The following LRP6 variants were observed in gnomAD, a reference collection of about 807,000 sequenced individuals.
The protein encoded by LRP6 is low-density lipoprotein receptor-related protein 6.
In LRP6, 43 loss-of-function variants were observed where a neutral mutation model predicts 184.1. That is an observed-to-expected ratio of 0.23 (90% CI 0.18 to 0.30). LRP6 has a LOEUF of 0.30. LRP6 is among the 10% of genes least tolerant of loss of function. The pLI is 1.00. For missense variants in LRP6, 1,571 were observed against 2,005.3 expected (o/e 0.78, Z 4.14); for synonymous variants, 719 against 684.9 (o/e 1.05, Z -0.78).
At chr12:12,198,884 T>C (rs1003634685) in intron 3 of LRP6, among the ~76,000 whole-genome samples, 1 of 152,202 alleles carries the variant, frequency 6.6e-6, no homozygotes, top group East Asian at 1.9e-4. Context: ...TCAATGACTT[T>C]TGACTCATTT....
chr12:12,198,079 C>A (rs1479729479), intron 3 of LRP6, among the ~76,000 whole-genome samples: 1 of 152,248 alleles, frequency 6.6e-6, no homozygotes, highest in South Asian at 2.1e-4. Context: ...CCACCATGCT[C>A]GGCTAATTTT....
chr12:12,228,117 TCCCA>T (rs1310857817), intron 2 of LRP6, among the ~76,000 whole-genome samples: 1 of 152,172 alleles, frequency 6.6e-6, no homozygotes, highest in East Asian at 1.9e-4. Context: ...ACACCTGTAA[TCCCA>T]GCCATTTGGG....
chr12:12,260,785 G>T (rs1245680664), intron 1 of LRP6, among the ~76,000 whole-genome samples: 2 of 152,078 alleles, frequency 1.3e-5, no homozygotes, highest in Admixed American at 6.6e-5. Flanking sequence ...AGTTTAACTT[G>T]GCCTGTTTAA....
chr12:12,226,766 T>G (rs536352130), intron 2 of LRP6: 27 of 152,302 alleles, frequency 1.8e-4, no homozygotes, highest in Non-Finnish European at 3.1e-4. Context: ...TCGTGAAGCG[T>G]TAGTATTTTT....
chr12:12,213,575 C>T (rs1428871501), intron 2 of LRP6, among the ~76,000 whole-genome samples: 1 of 151,826 alleles, frequency 6.6e-6, no homozygotes, highest in African/African-American at 2.4e-5. Context: ...TTAAAAAGCC[C>T]TTCTCTCTTC....
At chr12:12,188,564 C>G (rs564211075) in intron 3 of LRP6, among the ~76,000 whole-genome samples, 2 of 152,314 alleles carry the variant, frequency 1.3e-5, no homozygotes, top group African/African-American at 4.8e-5. Context: ...TACGTGTAAG[C>G]AGGATTACCG....
chr12:12,160,172 T>G (rs1160268802), intron 10 of LRP6, among the ~76,000 whole-genome samples: 1 of 152,122 alleles, frequency 6.6e-6, no homozygotes, highest in Non-Finnish European at 1.5e-5. Context: ...AGGAAGTGAG[T>G]CAGCTTTCCT....
chr12:12,221,399 G>C (rs1284566416), intron 2 of LRP6, among the ~76,000 whole-genome samples: 1 of 152,022 alleles, frequency 6.6e-6, no homozygotes, highest in Non-Finnish European at 1.5e-5. Flanking sequence ...TGTTGCTTTA[G>C]CATGTTTAAG....
intron 12 of LRP6, chr12:12,155,854 T>C (rs1191331124): frequency 1.1e-5 from 7 of 646,418 alleles, no homozygotes; most frequent in South Asian, 3.5e-5. Context: ...CACAAAGCTG[T>C]TGGGTAAAAC....
In LRP6 at chr12:12,164,474, G is replaced by A. The variant is rs762516327; in HGVS notation, c.1851C>T (p.Gly617=). 27 of 1,614,186 alleles carry A rather than the reference G, an allele frequency of 1.7e-5. No individual in the cohort carries two copies. The highest frequency in any genetic ancestry group is 2.2e-5 in the Non-Finnish European group (26 of 1,180,024). ...PQGLRCACPI[G]FELISDMKTC... Reference sequence around the variant, plus strand: ...TCTTCATGTCACTGATGAGTTCAAAGCCAATAGGGCAAGCACAGCGAAGGC... The same window carrying A: ...TCTTCATGTCACTGATGAGTTCAAAACCAATAGGGCAAGCACAGCGAAGGC... Residue 617 remains glycine, a synonymous_variant, in exon 9 of 23, where the codon GGC becomes GGT. Coordinates refer to ENST00000261349, the MANE Select transcript of LRP6 (RefSeq NM_002336.3).
At chr12:12,164,023 G>A (rs1178847935) in intron 9 of LRP6, among the ~76,000 whole-genome samples, 2 of 151,966 alleles carry the variant, frequency 1.3e-5, no homozygotes, top group South Asian at 2.1e-4. Context: ...CTAGCTGCTC[G>A]GGAGGCTGAA....
chr12:12,129,166 C>T (rs963982822), intron 19 of LRP6, among the ~76,000 whole-genome samples: 1 of 152,180 alleles, frequency 6.6e-6, no homozygotes, highest in African/African-American at 2.4e-5. Flanking sequence ...CCTCTTGATG[C>T]GATCAGAAGT....
chr12:12,128,814 A>C (rs1471367897), intron 19 of LRP6, among the ~76,000 whole-genome samples: 1 of 152,166 alleles, frequency 6.6e-6, no homozygotes, highest in Non-Finnish European at 1.5e-5. Context: ...TCACTCAGTG[A>C]GGTACCTGTG....
At position 12,159,201 on chromosome 12, in the gene LRP6, A is replaced by G. The variant is rs374116210; in HGVS notation, c.2465-46T>C. 2.1e-6 allele frequency: 3 copies of G among 1,397,966 alleles called. No individual in the cohort carries two copies. The African/African-American group carries it at 4.2e-5, about 20-fold the overall frequency. The allele number at this position is 1,397,966 out of a possible 1,614,324, so 86.6% of individuals were successfully genotyped here. A position where few individuals can be genotyped will look rare whatever the true frequency, so the allele number is the denominator to read the frequency against. On this transcript the variant is annotated intron_variant, in intron 11 of 22. Coordinates refer to ENST00000261349, the MANE Select transcript of LRP6 (RefSeq NM_002336.3). ...GACAGGGGAGAAGCAGAGTGATGAAATATGTGAGAATACAAGTGTCTTGCT... is the reference window on the plus strand; with the variant it reads ...GACAGGGGAGAAGCAGAGTGATGAAGTATGTGAGAATACAAGTGTCTTGCT...
At position 12,203,191 on chromosome 12, in the gene LRP6, T is replaced by G. The variant is rs374302767; in HGVS notation, c.647+12A>C. The G allele has an allele frequency of 1.3e-6, 2 of 1,587,624 alleles. No individual in the cohort carries two copies. The highest frequency in any genetic ancestry group is 8.6e-7 in the Non-Finnish European group (1 of 1,168,428). On this transcript the variant is annotated intron_variant, in intron 3 of 22. Transcript: ENST00000261349. ...TTTTCTTAAAAGTTTTTTCTAATTC[T>G]TGTAATCTTACCGATTTGTTCCATC...
intron 2 of LRP6, among the ~76,000 whole-genome samples, chr12:12,211,946 G>A (rs1002400161): frequency 3.3e-5 from 5 of 152,090 alleles, no homozygotes; most frequent in African/African-American, 1.2e-4. Flanking sequence ...AGAATCAAAG[G>A]TGATGCATTT....
intron 21 of LRP6, 52 bp from the exon 22 acceptor site, chr12:12,124,714 G>A (rs762920263): frequency 2.2e-5 from 26 of 1,163,970 alleles, no homozygotes; most frequent in Middle Eastern, 2.5e-4. Context: ...GAAACTATCA[G>A]ACTTTCTTTC....
At position 12,124,629 on chromosome 12, in the gene LRP6, G is replaced by T. The variant is rs1393073502; in HGVS notation, c.4483C>A (p.Arg1495=). 6.2e-7 allele frequency: 1 copy of T among 1,613,224 alleles called. No homozygotes were observed. The highest frequency in any genetic ancestry group is 8.5e-7 in the Non-Finnish European group (1 of 1,179,434). Residue 1495 remains arginine (R), a synonymous_variant, in exon 22 of 23, where the codon CGA becomes AGA. Transcript: ENST00000261349. ...CCAAATTCCATAGTGTAATGTGATC[G>T]CTCTGTGGCTGGGGATGGTGGAGGG... ...LNPPPSPATE[R]SHYTMEFGYS...
At chr12:12,209,361 C>A (rs909819987) in intron 2 of LRP6, among the ~76,000 whole-genome samples, 1 of 152,108 alleles carries the variant, frequency 6.6e-6, no homozygotes, top group African/African-American at 2.4e-5. Flanking sequence ...TATTTGCATG[C>A]CACTATGTAC....
Sources: allele counts gnomAD v4.1 joint callset (sites outside exome capture counted in the v4.1 genomes callset), GRCh38; gene constraint gnomAD v4.1.1; transcripts MANE v1.5; gene names NCBI Gene and HGNC (gene_info 2026-07-23, HGNC 2026-07-21).